Variants in MFSD12 observed in about 807,000 individuals in gnomAD.
The protein encoded by MFSD12 is major facilitator superfamily domain-containing protein 12.
A neutral mutation model predicts 51.2 loss-of-function variants in MFSD12; 67 were observed. The observed-to-expected ratio is 1.31, with a 90% CI of 1.08 to 1.60. The LOEUF is 1.60. MFSD12 is among the 40% of genes most tolerant of loss of function. The pLI is 0.00. For missense variants in MFSD12, 921 were observed against 673.0 expected (o/e 1.37, Z -4.08); for synonymous variants, 441 against 316.7 (o/e 1.39, Z -4.17).
In MFSD12 at chr19:3,551,124, G is replaced by A. The variant is rs377453722; in HGVS notation, c.369C>T (p.Pro123=). ...SPCLGCGAAT[P]EWAALLYYGP... ...CGTAGTAGAGGAGGGCAGCCCACTC[G>A]GGCGTGGCCGCCCCACAGCCCAGGC... The change falls in exon 2 of 10, where the codon CCC becomes CCT. Residue 123 remains proline, a synonymous_variant. Coordinates refer to ENST00000355415, the MANE Select transcript of MFSD12 (RefSeq NM_174983.5). The surrounding 1 kb of genome is among the most constrained non-coding windows in gnomAD (Gnocchi z 4.6). The A allele has an allele frequency of 2.8e-5, 45 of 1,612,980 alleles. No individual in the cohort carries two copies. In the East Asian group the frequency reaches 2.9e-4, roughly 10 times the overall value.
At chr19:3,549,090 AAAG>A (rs2031299803) in intron 2 of MFSD12, among the ~76,000 whole-genome samples, 2 of 152,338 alleles carry the variant, frequency 1.3e-5, no homozygotes, top group African/African-American at 4.8e-5. Flanking sequence ...GGGGAGGATT[AAAG>A]AAGCTGAGAT....
At chr19:3,548,638 A>T (rs2031270097) in intron 2 of MFSD12, among the ~76,000 whole-genome samples, 2 of 152,120 alleles carry the variant, frequency 1.3e-5, no homozygotes, top group South Asian at 4.1e-4. Flanking sequence ...CCTGGTCTAG[A>T]ACCATCCAGG....
rs918525668 is a variant in MFSD12, at chr19:3,547,207, G to A, written c.1023+65C>T. 4.3e-6 allele frequency: 6 copies of A among 1,402,646 alleles called. 1 individual carries two copies. In the South Asian group the frequency reaches 4.6e-5, roughly 11 times the overall value. 86.9% of individuals were successfully genotyped at this position (1,402,646 alleles called of 1,614,324 possible). On this transcript the variant is annotated intron_variant, in intron 6 of 9. Transcript: ENST00000355415. ...CATCCGAGGATGGAACCCGGAGCGG[G>A]TGGGATCTCGGCTGCAGGGCACCCC...
chr19:3,555,343 G>T (rs2031678557), intron 1 of MFSD12, among the ~76,000 whole-genome samples: 1 of 152,164 alleles, frequency 6.6e-6, no homozygotes, highest in Non-Finnish European at 1.5e-5. Flanking sequence ...CCTGACCTCA[G>T]GTGAGGAGGC....
At chr19:3,538,805 G>T in intron 4 of MFSD12, 1 of 547,190 alleles carries the variant, frequency 1.8e-6, no homozygotes, top group Non-Finnish European at 3.7e-6. Context: ...GAGGAGTGAG[G>T]AGCTGGGGTG....
intron 8 of MFSD12, 23 bp from the exon 9 acceptor site, chr19:3,544,962 A>G (rs1287592347): frequency 6.3e-7 from 1 of 1,591,700 alleles, no homozygotes; most frequent in African/African-American, 1.3e-5. Context: ...GCGGGGGATG[A>G]GTAGGCACCG....
At position 3,544,440 on chromosome 19, in the gene MFSD12, C is replaced by T. The variant is rs1187310259; in HGVS notation, c.*270G>A. 3.0e-6 allele frequency: 4 copies of T among 1,338,308 alleles called. No individual in the cohort carries two copies. Among genetic ancestry groups the T allele is most frequent in the Non-Finnish European group, 2.9e-6 (3 of 1,047,000 alleles). 82.9% of individuals were successfully genotyped at this position (1,338,308 alleles called of 1,614,324 possible). On this transcript the variant is annotated 3_prime_UTR_variant, in exon 10 of 10. Transcript: ENST00000355415. ...CTTCTGGGATTCCTACTTCCTGTTC[C>T]CTGCCGAGAGGGGCACCCCAAATCC...
Position 3,557,567 on chromosome 19 carries a change from C to G in MFSD12, c.-164G>C, listed in dbSNP as rs917663494. 3.5e-6 allele frequency: 1 copy of G among 288,742 alleles called. No homozygotes were observed. Among genetic ancestry groups the G allele is most frequent in the Non-Finnish European group, 5.8e-6 (1 of 173,830 alleles). 17.9% of individuals were successfully genotyped at this position (288,742 alleles called of 1,614,324 possible). On this transcript the variant is annotated 5_prime_UTR_variant, in exon 1 of 10. Transcript: ENST00000355415. ...CGCCCTCACCCACGTCCGCCGCGTCCGCCCCACGCTCGACTCTGCAGCCGC... is the reference window on the plus strand; with the variant it reads ...CGCCCTCACCCACGTCCGCCGCGTCGGCCCCACGCTCGACTCTGCAGCCGC...
At chr19:3,543,505 G>C (rs2030629032), downstream of MFSD12, 1 of 1,478,392 alleles carries the variant, frequency 6.8e-7, no homozygotes, top group African/African-American at 1.5e-5. Flanking sequence ...CTGGGCAGCG[G>C]GCCTGCCAGA....
At chr19:3,548,396 T>A in intron 2 of MFSD12, 129 bp from the exon 3 acceptor site, 1 of 1,255,752 alleles carries the variant, frequency 8.0e-7, no homozygotes, top group Non-Finnish European at 1.1e-6. Flanking sequence ...ACTGCCACAC[T>A]GGGTGGCCTC....
At chr19:3,541,525 G>A, downstream of MFSD12, 1 of 268,922 alleles carries the variant, frequency 3.7e-6, no homozygotes, top group Non-Finnish European at 5.6e-6. Flanking sequence ...GTTTCACCAT[G>A]TTGGCCAGGC....
intron 6 of MFSD12, among the ~76,000 whole-genome samples, chr19:3,546,761 G>A (rs1263219999): frequency 6.6e-6 from 1 of 152,230 alleles, no homozygotes; most frequent in Admixed American, 6.5e-5. Context: ...AAGCGCCAGA[G>A]CTCCATGGCT....
chr19:3,547,621 G>C (rs1568256978), intron 4 of MFSD12, 74 bp from the exon 5 acceptor site: 2 of 1,352,984 alleles, frequency 1.5e-6, no homozygotes, highest in Non-Finnish European at 1.0e-6. Context: ...GGGGGCACCG[G>C]GGCCAGGGTG....
At chr19:3,539,363 C>G (rs77646122), downstream of MFSD12, 3 of 701,354 alleles carry the variant, frequency 4.3e-6, no homozygotes, top group Non-Finnish European at 7.5e-6. Flanking sequence ...ACGTGTCACT[C>G]GTTATTCCTA....
At chr19:3,550,841 A>ACC in intron 2 of MFSD12, 143 bp downstream of exon 2, 5 of 689,896 alleles carry the variant, frequency 7.2e-6, no homozygotes, top group Non-Finnish European at 1.2e-5. Flanking sequence ...CAACAGAGTG[A>ACC]GACCCCCTTT....
intron 1 of MFSD12, among the ~76,000 whole-genome samples, chr19:3,553,408 G>C (rs575905245): frequency 6.6e-6 from 1 of 151,780 alleles, no homozygotes; most frequent in African/African-American, 2.4e-5. Flanking sequence ...AGGAGGTCGA[G>C]GCTGCAGTGA....
chr19:3,544,597 G>C lies in MFSD12; in HGVS notation c.*113C>G. 6.7e-7 allele frequency: 1 copy of C among 1,485,352 alleles called. No homozygotes were observed. The highest frequency in any genetic ancestry group is 8.9e-7 in the Non-Finnish European group (1 of 1,120,496). 92.0% of individuals were successfully genotyped at this position (1,485,352 alleles called of 1,614,324 possible). On this transcript the variant is annotated 3_prime_UTR_variant, in exon 10 of 10. Coordinates refer to ENST00000355415, the MANE Select transcript of MFSD12 (RefSeq NM_174983.5). ...CCCCGGGAGCTGGGTGAGGATGGAG[G>C]GTGGGGGTCCAGAGAAGAGTGAGGG...
At chr19:3,554,989 C>T (rs1037507264) in intron 1 of MFSD12, among the ~76,000 whole-genome samples, 1 of 152,186 alleles carries the variant, frequency 6.6e-6, no homozygotes, top group African/African-American at 2.4e-5. Context: ...CTCCCCGAGG[C>T]GGGGAAGAGG....
At chr19:3,543,127 C>T (rs2030569439), downstream of MFSD12, 1 of 1,513,448 alleles carries the variant, frequency 6.6e-7, no homozygotes, top group African/African-American at 1.4e-5. Flanking sequence ...AGGGAGACCC[C>T]ACGCCGTGGG....
Sources: allele counts gnomAD v4.1 joint callset (sites outside exome capture counted in the v4.1 genomes callset), GRCh38; gene constraint gnomAD v4.1.1; non-coding constraint Gnocchi (gnomAD v3.1); transcripts MANE v1.5; gene names NCBI Gene and HGNC (gene_info 2026-07-23, HGNC 2026-07-21).